SNX8: variants seen among roughly 807,000 people sequenced by gnomAD.
SNX8 encodes the protein sorting nexin-8.
SNX8 carries 25 observed loss-of-function variants against 51.6 expected under a neutral mutation model. The observed-to-expected ratio is 0.48, with a 90% CI of 0.35 to 0.68. The LOEUF is 0.68. Ranked by LOEUF, SNX8 falls within the 30% of genes least tolerant of loss-of-function variation. The pLI is 0.00. For synonymous variants in SNX8, 324 were observed against 277.0 expected (o/e 1.17, Z -1.68); for missense variants, 695 against 624.0 (o/e 1.11, Z -1.21).
At chr7:2,333,913 G>T (rs1317024038) in intron 1 of SNX8, among the ~76,000 whole-genome samples, 1 of 151,956 alleles carries the variant, frequency 6.6e-6, no homozygotes, top group Non-Finnish European at 1.5e-5. Flanking sequence ...AAGGCGGGAG[G>T]ATCACTTGAA....
rs200534560 is a variant in SNX8, at chr7:2,275,571, G to A, written c.301-342C>T. On this transcript the variant is annotated intron_variant, in intron 2 of 10. Transcript: ENST00000222990. ...ACAAAAATTAGCTGGGCATGGTGGT[G>A]GGCGGCTGTAGTCCCAGCTACTTTG... 2.1e-4 allele frequency among the ~76,000 whole-genome samples: 32 copies of A among 152,208 alleles called. No individual in the cohort carries two copies. The East Asian group carries it at 5.8e-3, about 28-fold the overall frequency.
chr7:2,314,081 G>C (rs1796712108), intron 1 of SNX8, among the ~76,000 whole-genome samples: 1 of 152,164 alleles, frequency 6.6e-6, no homozygotes, highest in Non-Finnish European at 1.5e-5. Context: ...ACCTGGACAG[G>C]GCTCTCCCGG....
chr7:2,263,982 G>A (rs1039908933), intron 6 of SNX8, among the ~76,000 whole-genome samples: 1 of 152,130 alleles, frequency 6.6e-6, no homozygotes, highest in East Asian at 1.9e-4. Flanking sequence ...CCAAAGTGCT[G>A]GGATTACAGG....
intron 1 of SNX8, among the ~76,000 whole-genome samples, 199 bp from the exon 2 acceptor site, chr7:2,278,504 T>C (rs548928073): frequency 6.6e-6 from 1 of 152,318 alleles, no homozygotes; most frequent in African/African-American, 2.4e-5. Flanking sequence ...AATTGAAAAG[T>C]GCAGCCTCCC....
intron 1 of SNX8, among the ~76,000 whole-genome samples, chr7:2,325,321 G>T (rs759656139): frequency 6.6e-6 from 1 of 152,140 alleles, no homozygotes; most frequent in South Asian, 2.1e-4. Flanking sequence ...GAAAAGTTTT[G>T]AGGTGGATAC....
chr7:2,272,523 C>A (rs1267006606), intron 3 of SNX8, among the ~76,000 whole-genome samples: 1 of 151,760 alleles, frequency 6.6e-6, no homozygotes, highest in Non-Finnish European at 1.5e-5. Flanking sequence ...TTACAGGGGC[C>A]CGCCAACATG....
In SNX8 at chr7:2,254,194, G is replaced by C. The variant is rs1795118216; in HGVS notation, c.*862C>G. ...CAGAGAAGGAAATCCACTTAAAAGG[G>C]GGCTGTCCCTCCTCTAAAGCCTCAG... On this transcript the variant is annotated 3_prime_UTR_variant, in exon 11 of 11. Coordinates refer to ENST00000222990, the MANE Select transcript of SNX8 (RefSeq NM_013321.4). 1 of 152,278 alleles carries C rather than the reference G, an allele frequency of 6.6e-6. No homozygotes were observed. The highest frequency in any genetic ancestry group is 1.5e-5 in the Non-Finnish European group (1 of 68,128). The allele number at this position is 152,278 out of a possible 1,614,324, so 9.4% of individuals were successfully genotyped here.
chr7:2,351,121 A>C (rs1779129141), intron 1 of SNX8, among the ~76,000 whole-genome samples: 1 of 151,912 alleles, frequency 6.6e-6, no homozygotes, highest in South Asian at 2.1e-4. Context: ...TTGTCTCAAA[A>C]ACAAAAAGAA....
chr7:2,258,748 G>A (rs942247617), intron 7 of SNX8, among the ~76,000 whole-genome samples: 28 of 152,182 alleles, frequency 1.8e-4, no homozygotes, highest in Non-Finnish European at 3.1e-4. Context: ...CACCACACTC[G>A]GCGGTGGGGG....
At chr7:2,268,009 G>C (rs1413381251) in intron 5 of SNX8, among the ~76,000 whole-genome samples, 4 of 147,354 alleles carry the variant, frequency 2.7e-5, no homozygotes, top group Admixed American at 6.7e-5. Context: ...CCGAGACCCC[G>C]TCTGGGAGGT....
chr7:2,309,703 C>T (rs1796622250), intron 1 of SNX8: 4 of 444,614 alleles, frequency 9.0e-6, no homozygotes, highest in Non-Finnish European at 1.9e-5. Flanking sequence ...CGCACTCCAG[C>T]CTGGACAACA....
At chr7:2,340,272 A>G (rs971248622) in intron 1 of SNX8, among the ~76,000 whole-genome samples, 2 of 150,630 alleles carry the variant, frequency 1.3e-5, no homozygotes, top group Non-Finnish European at 3.0e-5. Context: ...GGGTTTCTCC[A>G]TGTTGGTCAG....
rs1452902738 is a variant in SNX8 at position 2,287,796 on chromosome 7, AT to A, written c.95-9492del. On this transcript the variant is annotated intron_variant, in intron 1 of 10. Transcript: ENST00000222990. The stretch of plus-strand genomic sequence containing the variant: ...ACAACAACAACAACAAAAAAACTCT[AT>A]ATAGAGGCTGGGCGCAGTGGCTCAT... 4 of 151,710 alleles carry A rather than the reference AT, an allele frequency of 2.6e-5. No homozygotes were observed. The East Asian group carries it at 7.8e-4, about 30-fold the overall frequency. 9.4% of individuals were successfully genotyped at this position (151,710 alleles called of 1,614,324 possible).
intron 1 of SNX8, among the ~76,000 whole-genome samples, chr7:2,302,911 G>C (rs1385901723): frequency 2.7e-5 from 4 of 146,474 alleles, no homozygotes; most frequent in Admixed American, 1.4e-4. Context: ...CCCGGCAGCC[G>C]CCCTGTCTGA....
chr7:2,348,556 T>C (rs1779077562), intron 1 of SNX8, among the ~76,000 whole-genome samples: 1 of 151,610 alleles, frequency 6.6e-6, no homozygotes. Context: ...TTAGCCAGGA[T>C]GGTCTTGATC....
At chr7:2,346,286 T>TA (rs1398140098) in intron 1 of SNX8, among the ~76,000 whole-genome samples, 2 of 150,572 alleles carry the variant, frequency 1.3e-5, no homozygotes, top group African/African-American at 2.5e-5. Flanking sequence ...CTACAAAAAA[T>TA]AAAAAGAAAA....
At chr7:2,290,346 C>G (rs939277121) in intron 1 of SNX8, among the ~76,000 whole-genome samples, 2 of 151,908 alleles carry the variant, frequency 1.3e-5, no homozygotes, top group Non-Finnish European at 2.9e-5. Context: ...ACTAAAAATA[C>G]AAATAAAATT....
In SNX8 at chr7:2,257,402, G is replaced by A. The variant is rs777134047; in HGVS notation, c.1097C>T (p.Pro366Leu). 8 of 1,610,256 alleles carry A rather than the reference G, an allele frequency of 5.0e-6. No individual in the cohort carries two copies. In the East Asian group the frequency reaches 8.9e-5, roughly 18 times the overall value. Residue 366 changes from proline (P) to leucine (L), a missense_variant, in exon 9 of 11, where the codon CCG (proline) becomes CTG (leucine). Physicochemically the swap from Pro to Leu is moderately conservative, Grantham distance 98 (BLOSUM62 -3). Transcript: ENST00000222990. ...MMSATAQNRE[P>L]ESVEQLESRI... is the part of the protein sequence containing the mutation. Reference sequence around the variant, plus strand: ...GGACTCCAGCTGCTCCACGGACTCCGGCTCGCGGTTCTGCGCGGTGGCGCT... The same window carrying A: ...GGACTCCAGCTGCTCCACGGACTCCAGCTCGCGGTTCTGCGCGGTGGCGCT...
At chr7:2,314,474 C>A, upstream of SNX8, 1 of 1,186,244 alleles carries the variant, frequency 8.4e-7, no homozygotes, top group East Asian at 3.7e-5. Context: ...CCGCGCAGCC[C>A]TGCCGCGCCG....
Sources: allele counts gnomAD v4.1 joint callset (sites outside exome capture counted in the v4.1 genomes callset), GRCh38; gene constraint gnomAD v4.1.1; transcripts MANE v1.5; gene names NCBI Gene and HGNC (gene_info 2026-07-23, HGNC 2026-07-21).